C19orf85: variants seen among roughly 807,000 people sequenced by gnomAD.
C19orf85 encodes the protein uncharacterized protein C19orf85.
In C19orf85 at chr19:55,463,179, G is replaced by A. The variant is rs909946732; in HGVS notation, c.*293C>T. 3 of 349,726 alleles carry A rather than the reference G, an allele frequency of 8.6e-6. No homozygotes were observed. Among genetic ancestry groups the A allele is most frequent in the African/African-American group, 2.1e-5 (1 of 47,756 alleles). 21.7% of individuals were successfully genotyped at this position (349,726 alleles called of 1,614,324 possible). A position where few individuals can be genotyped will look rare whatever the true frequency, so the allele number is the denominator to read the frequency against. On this transcript the variant is annotated 3_prime_UTR_variant, in exon 2 of 2. Coordinates refer to ENST00000635964, the MANE Select transcript of C19orf85 (RefSeq NM_001386794.1). This position sits in a 1 kb window ranked among gnomAD's most constrained non-coding sequence, Gnocchi z 4.9. ...ACATCTTTGGGAATAAATGACAGGA[G>A]AGCAGACATTAGGCAGAGGTGAGCC...
intron 1 of C19orf85, among the ~76,000 whole-genome samples, 199 bp downstream of exon 1, chr19:55,464,183 G>A (rs1568461664): frequency 1.3e-5 from 2 of 152,168 alleles, no homozygotes; most frequent in Non-Finnish European, 1.5e-5. Flanking sequence ...CAACCTCCAC[G>A]ACAGCAAGGA....
intron 1 of C19orf85, 37 bp from the exon 2 acceptor site, chr19:55,464,004 C>G (rs1847950622): frequency 5.0e-6 from 2 of 398,720 alleles, no homozygotes; most frequent in Non-Finnish European, 8.8e-6. Flanking sequence ...GTCTCTAACG[C>G]CTGAACTCAA....
rs61742263 is a variant in C19orf85 at position 55,463,675 on chromosome 19, G to T, written c.466C>A (p.Pro156Thr). The change falls in exon 2 of 2, where the codon CCG (proline) becomes ACG (threonine). Residue 156 changes from proline to threonine, a missense_variant. Pro to Thr is a conservative substitution (Grantham distance 38). Transcript: ENST00000635964. This position sits in a 1 kb window ranked among gnomAD's most constrained non-coding sequence, Gnocchi z 4.9. ...SSGSDAPLPA[P>T]GLSHRDLGQL... Reference sequence around the variant, plus strand: ...CCCAGGTCGCGATGGGACAGACCCGGCGCTGGCAGGGGAGCATCAGAACCA... The same window carrying T: ...CCCAGGTCGCGATGGGACAGACCCGTCGCTGGCAGGGGAGCATCAGAACCA... The T allele has an allele frequency of 0.059, 23,573 of 398,822 alleles. 852 individuals carry two copies. The highest frequency in any genetic ancestry group is 0.085 in the Middle Eastern group (135 of 1,596). 24.7% of individuals were successfully genotyped at this position (398,822 alleles called of 1,614,324 possible). A position where few individuals can be genotyped will look rare whatever the true frequency, so the allele number is the denominator to read the frequency against.
Position 55,463,188 on chromosome 19 carries a change from T to C in C19orf85, c.*284A>G, listed in dbSNP as rs988815147. 16 of 358,120 alleles carry C rather than the reference T, an allele frequency of 4.5e-5. No individual in the cohort carries two copies. Among genetic ancestry groups the C allele is most frequent in the Non-Finnish European group, 6.5e-5 (13 of 200,350 alleles). The allele number at this position is 358,120 out of a possible 1,614,324, so 22.2% of individuals were successfully genotyped here. ...GGAATAAATGACAGGAGAGCAGACA[T>C]TAGGCAGAGGTGAGCCTGGGTGAGA... On this transcript the variant is annotated 3_prime_UTR_variant, in exon 2 of 2. Transcript: ENST00000635964. This position sits in a 1 kb window ranked among gnomAD's most constrained non-coding sequence, Gnocchi z 4.9.
In C19orf85 at chr19:55,463,582, C is replaced by A. The variant is rs1394609769; in HGVS notation, c.559G>T (p.Glu187Ter). The change falls in exon 2 of 2, where the codon GAA becomes TAA. Residue 187 changes from glutamate to a stop codon, truncating the protein, a stop_gained. Transcript: ENST00000635964. LOFTEE classifies it low-confidence loss of function (END_TRUNC). The surrounding 1 kb of genome is among the most constrained non-coding windows in gnomAD (Gnocchi z 4.9). Reference sequence around the variant, plus strand: ...TCGGGAGCCACGAGATCAGCCTCTTCCCCCAGGGCATGCTGGGGAAGGGGC... The same window carrying A: ...TCGGGAGCCACGAGATCAGCCTCTTACCCCAGGGCATGCTGGGGAAGGGGC... ...PLPLPQHALGEEADLVAPDWG... is the reference protein window; with the variant it reads ...PLPLPQHALG The A allele has an allele frequency of 2.5e-6, 1 of 398,632 alleles. No homozygotes were observed. Among genetic ancestry groups the A allele is most frequent in the East Asian group, 3.6e-5 (1 of 28,070 alleles). 24.7% of individuals were successfully genotyped at this position (398,632 alleles called of 1,614,324 possible). A position where few individuals can be genotyped will look rare whatever the true frequency, so the allele number is the denominator to read the frequency against.
At position 55,463,558 on chromosome 19, in the gene C19orf85, C is replaced by G; in HGVS notation, c.583G>C (p.Asp195His). ...TCCCAGCAGTCCACCCAACCCCAGTCGGGAGCCACGAGATCAGCCTCTTCC... is the reference window on the plus strand; with the variant it reads ...TCCCAGCAGTCCACCCAACCCCAGTGGGGAGCCACGAGATCAGCCTCTTCC... ...LGEEADLVAP[D>H]WGWVDCWEVP... is the part of the protein sequence containing the mutation. Residue 195 changes from aspartate to histidine, a missense_variant, in exon 2 of 2, where the codon GAC (aspartate) becomes CAC (histidine). By Grantham distance (81) the Asp-to-His change is moderately conservative (BLOSUM62 -1). Transcript: ENST00000635964. This position sits in a 1 kb window ranked among gnomAD's most constrained non-coding sequence, Gnocchi z 4.9. The G allele has an allele frequency of 2.5e-6, 1 of 398,594 alleles. No homozygotes were observed. The highest frequency in any genetic ancestry group is 4.4e-5 in the Admixed American group (1 of 22,718). 24.7% of individuals were successfully genotyped at this position (398,594 alleles called of 1,614,324 possible).
rs865953138 is a variant in C19orf85, at chr19:55,463,610, G to A, written c.531C>T (p.Pro177=). 2.5e-6 allele frequency: 1 copy of A among 398,748 alleles called. No individual in the cohort carries two copies. Among genetic ancestry groups the A allele is most frequent in the Middle Eastern group, 6.3e-4 (1 of 1,590 alleles). 24.7% of individuals were successfully genotyped at this position (398,748 alleles called of 1,614,324 possible). Residue 177 remains proline (P), a synonymous_variant, in exon 2 of 2, where the codon CCC becomes CCT. Transcript: ENST00000635964. The surrounding 1 kb of genome is among the most constrained non-coding windows in gnomAD (Gnocchi z 4.9). ...CCAGGGCATGCTGGGGAAGGGGCAG[G>A]GGGCCGCAGAAATGTGGGACCTGCC... is the stretch of plus-strand genomic sequence containing the variant. ...DLRQVPHFCG[P]LPLPQHALGE...
In C19orf85 at chr19:55,463,078, A is replaced by T; in HGVS notation, c.*394T>A. The T allele has an allele frequency of 5.1e-6, 1 of 196,964 alleles. No homozygotes were observed. The highest frequency in any genetic ancestry group is 1.2e-4 in the East Asian group (1 of 8,386). 12.2% of individuals were successfully genotyped at this position (196,964 alleles called of 1,614,324 possible). A position where few individuals can be genotyped will look rare whatever the true frequency, so the allele number is the denominator to read the frequency against. On this transcript the variant is annotated 3_prime_UTR_variant, in exon 2 of 2. Coordinates refer to ENST00000635964, the MANE Select transcript of C19orf85 (RefSeq NM_001386794.1). This position sits in a 1 kb window ranked among gnomAD's most constrained non-coding sequence, Gnocchi z 4.9. ...CACAGAACAGGGAGCTCCCTGAGGC[A>T]GGGGTCCCGTCTGCCTCGTTCACAG...
rs867660286 is a variant in C19orf85 at position 55,463,420 on chromosome 19, C to T, written c.*52G>A. 1.5e-5 allele frequency: 6 copies of T among 398,676 alleles called. No individual in the cohort carries two copies. Among genetic ancestry groups the T allele is most frequent in the Middle Eastern group, 6.2e-4 (1 of 1,610 alleles). 24.7% of individuals were successfully genotyped at this position (398,676 alleles called of 1,614,324 possible). A position where few individuals can be genotyped will look rare whatever the true frequency, so the allele number is the denominator to read the frequency against. Reference sequence around the variant, plus strand: ...CTCCTGGAGAGGGCTGTAGAGCCGTCGTGGAGGGGCCTCTGGCTTGTCCTG... The same window carrying T: ...CTCCTGGAGAGGGCTGTAGAGCCGTTGTGGAGGGGCCTCTGGCTTGTCCTG... On this transcript the variant is annotated 3_prime_UTR_variant, in exon 2 of 2. Coordinates refer to ENST00000635964, the MANE Select transcript of C19orf85 (RefSeq NM_001386794.1). The surrounding 1 kb of genome is among the most constrained non-coding windows in gnomAD (Gnocchi z 4.9).
At position 55,464,481 on chromosome 19, in the gene C19orf85, C is replaced by T; in HGVS notation, c.74G>A (p.Gly25Glu). ...GGCCCGCAGCATGTGGGCGGCCGCC[C>T]CGCTCACAAAGGCACACAGCTCCCG... The part of the protein sequence containing the change: ...GPRELCAFVS[G>E]AAAHMLRALQ... Residue 25 changes from glycine to glutamate, a missense_variant, in exon 1 of 2, where the codon GGG becomes GAG. By Grantham distance (98) the Gly-to-Glu change is moderately conservative. Coordinates refer to ENST00000635964, the MANE Select transcript of C19orf85 (RefSeq NM_001386794.1). The T allele has an allele frequency of 2.5e-6, 1 of 398,334 alleles. No homozygotes were observed. The highest frequency in any genetic ancestry group is 3.6e-5 in the East Asian group (1 of 28,070). 24.7% of individuals were successfully genotyped at this position (398,334 alleles called of 1,614,324 possible).
At position 55,463,412 on chromosome 19, in the gene C19orf85, A is replaced by T; in HGVS notation, c.*60T>A. On this transcript the variant is annotated 3_prime_UTR_variant, in exon 2 of 2. Transcript: ENST00000635964. This position sits in a 1 kb window ranked among gnomAD's most constrained non-coding sequence, Gnocchi z 4.9. ...GTTGGGGGCTCCTGGAGAGGGCTGT[A>T]GAGCCGTCGTGGAGGGGCCTCTGGC... The T allele has an allele frequency of 2.5e-6, 1 of 398,910 alleles. No individual in the cohort carries two copies. The highest frequency in any genetic ancestry group is 4.4e-6 in the Non-Finnish European group (1 of 226,286). The allele number at this position is 398,910 out of a possible 1,614,324, so 24.7% of individuals were successfully genotyped here.
chr19:55,463,907 C>T lies in C19orf85; in HGVS notation c.234G>A (p.Glu78=). Reference sequence around the variant, plus strand: ...GGAGCGAGGGTCTCTGGGGAGGTGCCTCCTGGGACAGGATGGAGAGGGCCA... The same window carrying T: ...GGAGCGAGGGTCTCTGGGGAGGTGCTTCCTGGGACAGGATGGAGAGGGCCA... ...QRLALSILSQ[E]APPQRPSLQK... Residue 78 remains glutamate (E), a synonymous_variant, in exon 2 of 2, where the codon GAG becomes GAA. Coordinates refer to ENST00000635964, the MANE Select transcript of C19orf85 (RefSeq NM_001386794.1). The surrounding 1 kb of genome is among the most constrained non-coding windows in gnomAD (Gnocchi z 4.9). 2.5e-6 allele frequency: 1 copy of T among 399,016 alleles called. No individual in the cohort carries two copies. The highest frequency in any genetic ancestry group is 6.3e-4 in the Middle Eastern group (1 of 1,596). 24.7% of individuals were successfully genotyped at this position (399,016 alleles called of 1,614,324 possible).
rs1986313007 is a variant in C19orf85 at position 55,463,914 on chromosome 19, G to A, written c.227C>T (p.Ser76Phe). 1 of 399,142 alleles carries A rather than the reference G, an allele frequency of 2.5e-6. No individual in the cohort carries two copies. Among genetic ancestry groups the A allele is most frequent in the African/African-American group, 2.1e-5 (1 of 48,764 alleles). 24.7% of individuals were successfully genotyped at this position (399,142 alleles called of 1,614,324 possible). ...GGGTCTCTGGGGAGGTGCCTCCTGGGACAGGATGGAGAGGGCCAGGCGCTG... is the reference window on the plus strand; with the variant it reads ...GGGTCTCTGGGGAGGTGCCTCCTGGAACAGGATGGAGAGGGCCAGGCGCTG... The part of the protein sequence containing the change: ...ATQRLALSIL[S>F]QEAPPQRPSL... Residue 76 changes from serine to phenylalanine, a missense_variant, in exon 2 of 2, where the codon TCC becomes TTC. Ser to Phe is a radical substitution (Grantham distance 155, BLOSUM62 -2). Coordinates refer to ENST00000635964, the MANE Select transcript of C19orf85 (RefSeq NM_001386794.1). This position sits in a 1 kb window ranked among gnomAD's most constrained non-coding sequence, Gnocchi z 4.9.
In C19orf85 at chr19:55,464,705, TGTGCC is replaced by T; in HGVS notation, c.-156_-152del. ...GGGAATTGGGCCAAGGCCTCCCCAC[TGTGCC>T]CTAACCCTGTCCCCACCTCCCAGGA... On this transcript the variant is annotated 5_prime_UTR_variant, in exon 1 of 2. Coordinates refer to ENST00000635964, the MANE Select transcript of C19orf85 (RefSeq NM_001386794.1). 2.5e-6 allele frequency: 1 copy of T among 396,600 alleles called. No homozygotes were observed. The highest frequency in any genetic ancestry group is 4.4e-6 in the Non-Finnish European group (1 of 225,310). The allele number at this position is 396,600 out of a possible 1,614,324, so 24.6% of individuals were successfully genotyped here.
At position 55,463,659 on chromosome 19, in the gene C19orf85, C is replaced by G. The variant is rs1343102390; in HGVS notation, c.482G>C (p.Arg161Pro). ...CCTCAGGTCCAGCTGGCCCAGGTCGCGATGGGACAGACCCGGCGCTGGCAG... is the reference window on the plus strand; with the variant it reads ...CCTCAGGTCCAGCTGGCCCAGGTCGGGATGGGACAGACCCGGCGCTGGCAG... ...APLPAPGLSHRDLGQLDLRQV... is the reference protein window; with the variant it reads ...APLPAPGLSHPDLGQLDLRQV... The change falls in exon 2 of 2, where the codon CGC becomes CCC. Residue 161 changes from arginine to proline, a missense_variant. Arg to Pro is a moderately radical substitution (Grantham distance 103). Transcript: ENST00000635964. This position sits in a 1 kb window ranked among gnomAD's most constrained non-coding sequence, Gnocchi z 4.9. The G allele has an allele frequency of 2.5e-6, 1 of 398,634 alleles. No homozygotes were observed. Among genetic ancestry groups the G allele is most frequent in the African/African-American group, 2.1e-5 (1 of 48,622 alleles). The allele number at this position is 398,634 out of a possible 1,614,324, so 24.7% of individuals were successfully genotyped here.
chr19:55,464,566 T>G lies in C19orf85; in HGVS notation c.-12A>C, dbSNP rs1283302767. ...ACCCCGGGGTGCATGGCCAGGGTGG[T>G]CTGGAGTAACTCCCCACAATATTGC... On this transcript the variant is annotated 5_prime_UTR_variant, in exon 1 of 2. Transcript: ENST00000635964. The G allele has an allele frequency of 2.5e-6, 1 of 398,078 alleles. No homozygotes were observed. The highest frequency in any genetic ancestry group is 3.6e-5 in the East Asian group (1 of 28,054). The allele number at this position is 398,078 out of a possible 1,614,324, so 24.7% of individuals were successfully genotyped here.
In C19orf85 at chr19:55,464,654, C is replaced by T. The variant is rs1986329163; in HGVS notation, c.-100G>A. The T allele has an allele frequency of 1.0e-4, 41 of 397,268 alleles. No homozygotes were observed. The East Asian group carries it at 1.4e-3, about 13-fold the overall frequency. 24.6% of individuals were successfully genotyped at this position (397,268 alleles called of 1,614,324 possible). ...GCAGGGGACTCTGGAGGCCCAGGCA[C>T]CCCGGGCTGGGGAGGAGGCAGGGCT... On this transcript the variant is annotated 5_prime_UTR_variant, in exon 1 of 2. In the 5' UTR this introduces an upstream ATG that the reference lacks. Transcript: ENST00000635964.
Position 55,464,602 on chromosome 19 carries a change from A to C in C19orf85, c.-48T>G, listed in dbSNP as rs947371248. 6 of 397,816 alleles carry C rather than the reference A, an allele frequency of 1.5e-5. No individual in the cohort carries two copies. Among genetic ancestry groups the C allele is most frequent in the Non-Finnish European group, 2.7e-5 (6 of 225,794 alleles). 24.6% of individuals were successfully genotyped at this position (397,816 alleles called of 1,614,324 possible). On this transcript the variant is annotated 5_prime_UTR_variant, in exon 1 of 2. Transcript: ENST00000635964. ...TCCCCACAATATTGCTGACCAAAGC[A>C]CCCCCCAAATCTGTGAGCAGGGAGG...
Position 55,463,529 on chromosome 19 carries a change from C to G in C19orf85, c.612G>C (p.Val204=), listed in dbSNP as rs1364208910. The G allele has an allele frequency of 2.5e-6, 1 of 398,582 alleles. No homozygotes were observed. The highest frequency in any genetic ancestry group is 3.6e-5 in the East Asian group (1 of 28,088). 24.7% of individuals were successfully genotyped at this position (398,582 alleles called of 1,614,324 possible). A position where few individuals can be genotyped will look rare whatever the true frequency, so the allele number is the denominator to read the frequency against. ...TCCCCTGAGAATCCCAGGCACGAGG[C>G]ACCTCCCAGCAGTCCACCCAACCCC... is the stretch of plus-strand genomic sequence containing the variant. ...PDWGWVDCWE[V]PRAWDSQGIP... The change falls in exon 2 of 2, where the codon GTG becomes GTC. Residue 204 remains valine (V), a synonymous_variant. Coordinates refer to ENST00000635964, the MANE Select transcript of C19orf85 (RefSeq NM_001386794.1). The surrounding 1 kb of genome is among the most constrained non-coding windows in gnomAD (Gnocchi z 4.9).
Sources: gnomAD v4.1 joint callset for allele counts (sites outside exome capture counted in the v4.1 genomes callset) on GRCh38, gnomAD v4.1.1 for gene constraint, Gnocchi (gnomAD v3.1) non-coding constraint, MANE v1.5 for transcripts, NCBI Gene and HGNC (gene_info 2026-07-23, HGNC 2026-07-21) for gene names.